Variants in WWOX observed in about 807,000 individuals in gnomAD.
WWOX encodes the protein WW domain containing oxidoreductase.
WWOX carries 69 observed loss-of-function variants against 46.2 expected under a neutral mutation model. That is an observed-to-expected ratio of 1.49 (90% CI 1.23 to 1.82). WWOX has a LOEUF of 1.82. Among genes scored for constraint, WWOX ranks in the 40% most tolerant of loss-of-function variants. The pLI is 0.00. For synonymous variants in WWOX, 359 were observed against 202.6 expected, an observed-to-expected ratio of 1.77 and a Z score of -6.56; for missense variants, 919 against 542.6, an observed-to-expected ratio of 1.69 and a Z score of -6.89.
intron 8 of WWOX, among the ~76,000 whole-genome samples, chr16:79,074,973 T>C (rs984048003): frequency 7.2e-5 from 11 of 152,052 alleles, no homozygotes; most frequent in Non-Finnish European, 1.6e-4. Context: ...AAACGTCAGC[T>C]CTCTCAACTT....
chr16:78,525,610 A>G (rs541407244), intron 8 of WWOX: 2 of 152,342 alleles, frequency 1.3e-5, no homozygotes, highest in African/African-American at 4.8e-5. Flanking sequence ...TGTAGGGGAC[A>G]ATAACAAAGA....
intron 8 of WWOX, among the ~76,000 whole-genome samples, chr16:78,857,673 G>A (rs2151187353): frequency 6.6e-6 from 1 of 152,204 alleles, no homozygotes; most frequent in Admixed American, 6.5e-5. Context: ...CTCCACCAAG[G>A]CTGAATCTTT....
chr16:78,318,167 A>G (rs1400440179), intron 5 of WWOX, among the ~76,000 whole-genome samples: 2 of 152,122 alleles, frequency 1.3e-5, no homozygotes, highest in Admixed American at 6.5e-5. Context: ...AGAGGGTGAC[A>G]TGTAGTTGAT....
intron 8 of WWOX, among the ~76,000 whole-genome samples, chr16:78,910,599 A>G (rs1026462080): frequency 2.0e-5 from 3 of 151,922 alleles, no homozygotes; most frequent in Non-Finnish European, 4.4e-5. Context: ...TATAAAGGAA[A>G]GAGGTTTAAT....
At chr16:79,003,084 C>A (rs2047125257) in intron 8 of WWOX, among the ~76,000 whole-genome samples, 1 of 152,182 alleles carries the variant, frequency 6.6e-6, no homozygotes, top group Admixed American at 6.5e-5. Flanking sequence ...CCCACTCTTC[C>A]CCCTGAAAAA....
Position 78,773,740 on chromosome 16 carries a change from G to C in WWOX, c.1056+340988G>C, listed in dbSNP as rs369894892. ...AACCCAAAATGAGGAGTCCCTGGAA[G>C]GTGGGCAGGAGGCGACAAACAAAGA... is the stretch of plus-strand genomic sequence containing the variant. On this transcript the variant is annotated intron_variant, in intron 8 of 8. Coordinates refer to ENST00000566780, the MANE Select transcript of WWOX (RefSeq NM_016373.4). 6.6e-5 allele frequency among the ~76,000 whole-genome samples: 10 copies of C among 152,348 alleles called. No individual in the cohort carries two copies. In the East Asian group the frequency reaches 1.7e-3, roughly 26 times the overall value.
intron 6 of WWOX, among the ~76,000 whole-genome samples, chr16:78,398,822 A>G (rs539328516): frequency 1.3e-5 from 2 of 152,340 alleles, no homozygotes; most frequent in African/African-American, 2.4e-5. Flanking sequence ...ATAACTGAAT[A>G]TTTATAAAGC....
In WWOX at chr16:78,404,817, C is replaced by T. The variant is rs28578322; in HGVS notation, c.605+17869C>T. ...TGATTGTCCATTTTATTAAATGTCC[C>T]CAGGAAGCCAGAACACAGGGCAGTA... is the stretch of plus-strand genomic sequence containing the variant. On this transcript the variant is annotated intron_variant, in intron 6 of 8. Transcript: ENST00000566780. Among the ~76,000 whole-genome samples the T allele has an allele frequency of 2.1e-4, 32 of 152,148 alleles. 1 individual carries two copies. The highest frequency in any genetic ancestry group is 7.0e-4 in the African/African-American group (29 of 41,498).
intron 4 of WWOX, among the ~76,000 whole-genome samples, chr16:78,139,311 C>T (rs2033905979): frequency 1.3e-5 from 2 of 152,026 alleles, no homozygotes; most frequent in Admixed American, 6.6e-5. Context: ...GTGGGGTTGG[C>T]GAGAGGGTGT....
chr16:79,170,377 C>G (rs954269271), intron 8 of WWOX, among the ~76,000 whole-genome samples: 2 of 152,206 alleles, frequency 1.3e-5, no homozygotes, highest in African/African-American at 4.8e-5. Context: ...CCAGGTCTGA[C>G]TCCAGAAGCA....
intron 8 of WWOX, among the ~76,000 whole-genome samples, chr16:78,625,400 C>G (rs761418607): frequency 1.3e-5 from 2 of 152,170 alleles, no homozygotes; most frequent in African/African-American, 2.4e-5. Flanking sequence ...CCACAACCTA[C>G]TACTAGAATG....
chr16:78,793,490 G>A (rs544781139), intron 8 of WWOX, among the ~76,000 whole-genome samples: 2 of 152,256 alleles, frequency 1.3e-5, no homozygotes, highest in African/African-American at 4.8e-5. Flanking sequence ...CAGAGACCCA[G>A]ATATGGCTTC....
chr16:78,725,818 G>C (rs1254308684), intron 8 of WWOX, among the ~76,000 whole-genome samples: 1 of 152,004 alleles, frequency 6.6e-6, no homozygotes, highest in Non-Finnish European at 1.5e-5. Context: ...ATTGCGGGCG[G>C]TGCTTGGTGT....
intron 8 of WWOX, among the ~76,000 whole-genome samples, chr16:78,724,552 C>G (rs112510964): frequency 2.4e-4 from 36 of 152,168 alleles, no homozygotes; most frequent in African/African-American, 7.9e-4. Context: ...ATTTACAGTC[C>G]TTATGTTATT....
chr16:78,904,125 A>C (rs954421601), intron 8 of WWOX, among the ~76,000 whole-genome samples: 7 of 151,956 alleles, frequency 4.6e-5, no homozygotes, highest in African/African-American at 1.7e-4. Context: ...TTTTGCAGTT[A>C]TTAAACTAGC....
intron 8 of WWOX, among the ~76,000 whole-genome samples, chr16:78,510,845 A>G (rs536507101): frequency 1.3e-5 from 2 of 152,342 alleles, no homozygotes; most frequent in East Asian, 3.9e-4. Context: ...CTAACTTTCA[A>G]GGATGTTTGA....
chr16:79,161,421 G>A (rs931224745), intron 8 of WWOX, among the ~76,000 whole-genome samples: 4 of 152,256 alleles, frequency 2.6e-5, no homozygotes, highest in South Asian at 2.1e-4. Flanking sequence ...ATAAGCACCC[G>A]ATGAATACTG....
intron 8 of WWOX, among the ~76,000 whole-genome samples, chr16:78,723,000 C>T (rs2048731008): frequency 6.6e-6 from 1 of 152,132 alleles, no homozygotes; most frequent in Admixed American, 6.5e-5. Context: ...CATGATCACA[C>T]TGGAGCACTC....
intron 8 of WWOX, among the ~76,000 whole-genome samples, chr16:79,193,908 A>C (rs1480889954): frequency 1.3e-5 from 2 of 152,156 alleles, no homozygotes; most frequent in Admixed American, 6.5e-5. Flanking sequence ...TCTGTACAAC[A>C]TGGCCTTTGG....
Sources: gnomAD v4.1 joint callset for allele counts (sites outside exome capture counted in the v4.1 genomes callset) on GRCh38, gnomAD v4.1.1 for gene constraint, MANE v1.5 for transcripts, NCBI Gene and HGNC (gene_info 2026-07-23, HGNC 2026-07-21) for gene names.